ATF7IP2: variants seen among roughly 807,000 people sequenced by gnomAD.
ATF7IP2 encodes the protein activating transcription factor 7 interacting protein 2.
In ATF7IP2, 42 loss-of-function variants were observed where a neutral mutation model predicts 64.2. That is an observed-to-expected ratio of 0.65 (90% CI 0.51 to 0.85). The LOEUF is 0.85. ATF7IP2 is among the 40% of genes least tolerant of loss of function. The pLI is 0.00. For missense variants in ATF7IP2, 933 were observed against 784.2 expected, an observed-to-expected ratio of 1.19 and a Z score of -2.27; for synonymous variants, 308 against 272.8, an observed-to-expected ratio of 1.13 and a Z score of -1.27.
At chr16:10,468,761 T>C (rs1242363952) in intron 9 of ATF7IP2, among the ~76,000 whole-genome samples, 2 of 152,224 alleles carry the variant, frequency 1.3e-5, no homozygotes, top group Non-Finnish European at 2.9e-5. Context: ...AAAGAACTAT[T>C]GGAAAGAAGG....
intron 1 of ATF7IP2, among the ~76,000 whole-genome samples, chr16:10,391,352 C>A (rs995903135): frequency 5.3e-5 from 8 of 151,516 alleles, no homozygotes; most frequent in African/African-American, 1.9e-4. Flanking sequence ...ACCCAGGAGG[C>A]AGAGGTTGCG....
In ATF7IP2 at chr16:10,438,124, G is replaced by A. The variant is rs1204606935; in HGVS notation, c.984G>A (p.Glu328=). ...AGGTCAGACATTTGATTCAGCAGGA[G>A]ATCTATAGCATAAATTATGAACTAT... The part of the protein sequence containing the change: ...LEQVRHLIQQ[E]IYSINYELFD... Residue 328 remains glutamate (E), a synonymous_variant, in exon 7 of 14, where the codon GAG becomes GAA. Coordinates refer to ENST00000562102, the MANE Select transcript of ATF7IP2 (RefSeq NM_001393719.1). 2 of 1,580,930 alleles carry A rather than the reference G, an allele frequency of 1.3e-6. No homozygotes were observed. Among genetic ancestry groups the A allele is most frequent in the Admixed American group, 1.8e-5 (1 of 54,434 alleles).
rs1399237123 is a variant in ATF7IP2, at chr16:10,440,460, A to G, written c.1192A>G (p.Lys398Glu). Reference protein sequence around the residue: ...PNMLSSNGASKVANSEAMILD... With the variant: ...PNMLSSNGASEVANSEAMILD... ...CATGTTATCCAGTAATGGAGCCTCT[A>G]AGGTTTGTATAAACACACAGGAATT... The change falls in exon 8 of 14, where the codon AAG (lysine) becomes GAG (glutamate). Residue 398 changes from lysine (K) to glutamate (E), a missense_variant and splice_region_variant. Transcript: ENST00000562102. 6.7e-7 allele frequency: 1 copy of G among 1,497,262 alleles called. No individual in the cohort carries two copies. Among genetic ancestry groups the G allele is most frequent in the African/African-American group, 1.4e-5 (1 of 70,328 alleles). The allele number at this position is 1,497,262 out of a possible 1,614,324, so 92.7% of individuals were successfully genotyped here. A position where few individuals can be genotyped will look rare whatever the true frequency, so the allele number is the denominator to read the frequency against.
intron 3 of ATF7IP2, among the ~76,000 whole-genome samples, chr16:10,423,740 T>G (rs761726113): frequency 1.5e-4 from 23 of 152,294 alleles, no homozygotes; most frequent in Non-Finnish European, 2.6e-4. Flanking sequence ...TTATGTTACT[T>G]CATTACACCC....
intron 9 of ATF7IP2, 66 bp from the exon 10 acceptor site, chr16:10,472,044 A>T: frequency 1.4e-6 from 1 of 739,090 alleles, no homozygotes; most frequent in Non-Finnish European, 2.2e-6. Flanking sequence ...CCTAACCACT[A>T]ATTGCATGTT....
chr16:10,442,608 C>T (rs1188814302), intron 8 of ATF7IP2, among the ~76,000 whole-genome samples: 1 of 152,142 alleles, frequency 6.6e-6, no homozygotes, highest in Non-Finnish European at 1.5e-5. Context: ...CCTAGAATTC[C>T]TGGTTAACTC....
At chr16:10,448,269 C>G (rs550949553) in intron 8 of ATF7IP2, 1 of 152,022 alleles carries the variant, frequency 6.6e-6, no homozygotes, top group Non-Finnish European at 1.5e-5. Flanking sequence ...TTTTTTGGTT[C>G]CATATGAAAT....
At chr16:10,407,033 G>T (rs1386175891) in intron 1 of ATF7IP2, among the ~76,000 whole-genome samples, 2 of 152,124 alleles carry the variant, frequency 1.3e-5, no homozygotes, top group Non-Finnish European at 2.9e-5. Flanking sequence ...GCATGAAGAA[G>T]ATTATTAATC....
Position 10,430,602 on chromosome 16 carries a change from A to G in ATF7IP2, c.-10-9A>G, listed in dbSNP as rs754325861. ...GAAATGCATTTAAATATGATGTCTT[A>G]AATTCCAGGATATGAAAGATGGCAA... On this transcript the variant is annotated splice_polypyrimidine_tract_variant and intron_variant, in intron 4 of 13. Transcript: ENST00000562102. 10 of 1,551,634 alleles carry G rather than the reference A, an allele frequency of 6.4e-6. No individual in the cohort carries two copies. The South Asian group carries it at 1.2e-4, about 18-fold the overall frequency.
chr16:10,396,058 A>G (rs1281452229), intron 1 of ATF7IP2, among the ~76,000 whole-genome samples: 1 of 152,242 alleles, frequency 6.6e-6, no homozygotes, highest in Non-Finnish European at 1.5e-5. Context: ...CCAGTTCAAC[A>G]AAGTTGAAGG....
In ATF7IP2 at chr16:10,481,917, A is replaced by C. The variant is rs2050245255; in HGVS notation, c.1717A>C (p.Thr573Pro). The C allele has an allele frequency of 6.2e-7, 1 of 1,613,888 alleles. No homozygotes were observed. The highest frequency in any genetic ancestry group is 8.5e-7 in the Non-Finnish European group (1 of 1,179,994). Residue 573 changes from threonine to proline, a missense_variant, in exon 14 of 14, where the codon ACA becomes CCA. By Grantham distance (38) the Thr-to-Pro change is conservative. Transcript: ENST00000562102. ...TGAATTAGTAGACAAAACCCGAGAC[A>C]CACTTCCTCCCCAGAAGCCTGAGCT... ...LPELVDKTRDTLPPQKPELKV... is the reference protein window; with the variant it reads ...LPELVDKTRDPLPPQKPELKV...
chr16:10,395,380 G>T (rs558062139), intron 1 of ATF7IP2, among the ~76,000 whole-genome samples: 1 of 152,076 alleles, frequency 6.6e-6, no homozygotes, highest in Non-Finnish European at 1.5e-5. Flanking sequence ...ACATTTAAAG[G>T]TACAGTTCTT....
chr16:10,447,275 C>G (rs1253552432), intron 8 of ATF7IP2: 1 of 152,256 alleles, frequency 6.6e-6, no homozygotes, highest in Non-Finnish European at 1.5e-5. Flanking sequence ...TAGTCCTTGT[C>G]TTCTCGCGTT....
chr16:10,479,362 G>C (rs2050130118), intron 12 of ATF7IP2, among the ~76,000 whole-genome samples: 2 of 152,074 alleles, frequency 1.3e-5, no homozygotes, highest in Non-Finnish European at 2.9e-5. Flanking sequence ...GGACATGGAT[G>C]AAATTGGAAA....
rs764299689 is a variant in ATF7IP2, at chr16:10,473,506, C to G, written c.1454C>G (p.Ser485Cys). The G allele has an allele frequency of 2.5e-6, 4 of 1,571,116 alleles. No homozygotes were observed. The East Asian group carries it at 9.1e-5, about 36-fold the overall frequency. Residue 485 changes from serine to cysteine, a missense_variant, in exon 11 of 14, where the codon TCT becomes TGT. Transcript: ENST00000562102. ...ACCAGAAAAATTACATCAGGAAATT[C>G]TAGCAATTCTCCCAATGCTGAAGTT... is the stretch of plus-strand genomic sequence containing the variant. ...TDTRKITSGN[S>C]SNSPNAEVMA...
chr16:10,395,169 AATT>A (rs1453476346), intron 1 of ATF7IP2, among the ~76,000 whole-genome samples: 2 of 152,112 alleles, frequency 1.3e-5, no homozygotes, highest in African/African-American at 2.4e-5. Flanking sequence ...TAAAAAAAAA[AATT>A]ATAAGGGAAT....
intron 4 of ATF7IP2, among the ~76,000 whole-genome samples, chr16:10,429,730 A>ATTTTAT (rs1555507615): frequency 1.5e-4 from 13 of 87,714 alleles, no homozygotes; most frequent in Admixed American, 3.1e-4. Context: ...ATTTTATTTT[A>ATTTTAT]TTTATTTTAT....
chr16:10,472,356 A>G (rs2049832529), intron 10 of ATF7IP2, among the ~76,000 whole-genome samples, 173 bp downstream of exon 10: 2 of 152,278 alleles, frequency 1.3e-5, no homozygotes, highest in South Asian at 4.1e-4. Context: ...TGATTCCTTA[A>G]TGTAATTGAG....
intron 2 of ATF7IP2, among the ~76,000 whole-genome samples, chr16:10,419,320 A>G (rs534219930): frequency 6.6e-6 from 1 of 152,298 alleles, no homozygotes; most frequent in East Asian, 1.9e-4. Context: ...TATTCCTAAC[A>G]GTTCCTTCCT....
Sources: allele counts gnomAD v4.1 joint callset (sites outside exome capture counted in the v4.1 genomes callset), GRCh38; gene constraint gnomAD v4.1.1; transcripts MANE v1.5; gene names NCBI Gene and HGNC (gene_info 2026-07-23, HGNC 2026-07-21).